Variants in ST6GALNAC5 observed in about 807,000 individuals in gnomAD.
ST6GALNAC5 encodes the protein ST6 N-acetylgalactosaminide alpha-2,6-sialyltransferase 5.
ST6GALNAC5 carries 27 observed loss-of-function variants against 33.6 expected under a neutral mutation model. The observed-to-expected ratio is 0.80, with a 90% CI of 0.59 to 1.11. ST6GALNAC5 has a LOEUF of 1.11. ST6GALNAC5 is among the 50% of genes least tolerant of loss of function. ST6GALNAC5 has a pLI of 0.00. For missense variants in ST6GALNAC5, 428 were observed against 454.0 expected (o/e 0.94, Z 0.52); for synonymous variants, 194 against 171.2 (o/e 1.13, Z -1.04).
intron 2 of ST6GALNAC5, among the ~76,000 whole-genome samples, chr1:76,869,370 A>G (rs984342528): frequency 6.6e-6 from 1 of 152,174 alleles, no homozygotes; most frequent in African/African-American, 2.4e-5. Flanking sequence ...TGGGGTGGCT[A>G]ATAACTAATA....
chr1:77,065,579 A>T lies in ST6GALNAC5; in HGVS notation c.*2373A>T, dbSNP rs895991051. The T allele has an allele frequency of 1.1e-4, 16 of 152,354 alleles. No homozygotes were observed. The highest frequency in any genetic ancestry group is 3.6e-4 in the African/African-American group (15 of 41,588). 9.4% of individuals were successfully genotyped at this position (152,354 alleles called of 1,614,324 possible). On this transcript the variant is annotated 3_prime_UTR_variant, in exon 5 of 5. Transcript: ENST00000477717. ...GTGGTTTTATTACAGCGTTAAAGAAAATGACTAGAATTCTGATAGATTGTG... is the reference window on the plus strand; with the variant it reads ...GTGGTTTTATTACAGCGTTAAAGAATATGACTAGAATTCTGATAGATTGTG...
intron 2 of ST6GALNAC5, among the ~76,000 whole-genome samples, chr1:76,964,843 T>C (rs898853828): frequency 6.6e-6 from 1 of 152,128 alleles, no homozygotes; most frequent in African/African-American, 2.4e-5. Context: ...TACCTATGAA[T>C]GAGAACATGT....
chr1:77,023,678 GT>G (rs1296942240), intron 2 of ST6GALNAC5, among the ~76,000 whole-genome samples: 1 of 152,184 alleles, frequency 6.6e-6, no homozygotes, highest in African/African-American at 2.4e-5. Context: ...AGAGTGGGCA[GT>G]TTTTTCTCTA....
intron 2 of ST6GALNAC5, among the ~76,000 whole-genome samples, chr1:76,983,193 C>A (rs1232578223): frequency 6.6e-6 from 1 of 151,854 alleles, no homozygotes; most frequent in Non-Finnish European, 1.5e-5. Context: ...GGCTAAATAC[C>A]CCAATTAAAA....
At chr1:76,941,529 G>T (rs1647335788) in intron 2 of ST6GALNAC5, among the ~76,000 whole-genome samples, 1 of 152,044 alleles carries the variant, frequency 6.6e-6, no homozygotes, top group Non-Finnish European at 1.5e-5. Flanking sequence ...CAGAAAAAGG[G>T]TCATTGCAGC....
intron 2 of ST6GALNAC5, among the ~76,000 whole-genome samples, chr1:76,993,852 T>C (rs17099799): frequency 0.023 from 3,577 of 152,304 alleles, 55 homozygotes; most frequent in Middle Eastern, 0.037. Flanking sequence ...TGTGAATTTA[T>C]TTCCTCTGGA....
At chr1:77,016,527 C>T (rs977960912) in intron 2 of ST6GALNAC5, among the ~76,000 whole-genome samples, 14 of 151,774 alleles carry the variant, frequency 9.2e-5, no homozygotes, top group African/African-American at 2.9e-4. Context: ...ATCCCCCAAC[C>T]CCCTGCCCCC....
intron 2 of ST6GALNAC5, among the ~76,000 whole-genome samples, chr1:77,002,384 T>A (rs1650206278): frequency 6.6e-6 from 1 of 152,164 alleles, no homozygotes; most frequent in Admixed American, 6.5e-5. Context: ...TCTCTCTTTT[T>A]TTCTTTATTA....
At chr1:76,872,675 T>C (rs1653537466) in intron 2 of ST6GALNAC5, among the ~76,000 whole-genome samples, 1 of 152,234 alleles carries the variant, frequency 6.6e-6, no homozygotes, top group African/African-American at 2.4e-5. Context: ...TAGAAAAGTA[T>C]ATAAATTATC....
intron 3 of ST6GALNAC5, among the ~76,000 whole-genome samples, chr1:77,044,962 TA>T (rs1557772941): frequency 1.3e-5 from 2 of 152,264 alleles, no homozygotes; most frequent in Non-Finnish European, 2.9e-5. Flanking sequence ...TATATGGGTT[TA>T]TTTTTTCCCA....
At position 76,969,744 on chromosome 1, in the gene ST6GALNAC5, G is replaced by C. The variant is rs537554383; in HGVS notation, c.262-74460G>C. On this transcript the variant is annotated intron_variant, in intron 2 of 4. Coordinates refer to ENST00000477717, the MANE Select transcript of ST6GALNAC5 (RefSeq NM_030965.3). The stretch of plus-strand genomic sequence containing the variant: ...CTCCTCAAGTGGGTCCCTGACCCCC[G>C]TGTAGCCTAACTGGGAGAGACCTCC... Among the ~76,000 whole-genome samples, 4 of 152,116 alleles carry C rather than the reference G, an allele frequency of 2.6e-5. No individual in the cohort carries two copies. The South Asian group carries it at 8.3e-4, about 32-fold the overall frequency.
At chr1:77,000,479 GA>G (rs1294644894) in intron 2 of ST6GALNAC5, among the ~76,000 whole-genome samples, 1 of 125,296 alleles carries the variant, frequency 8.0e-6, no homozygotes, top group Non-Finnish European at 1.7e-5. Flanking sequence ...TTGCTGTGCA[GA>G]AGCTCTTTAG....
Position 76,923,710 on chromosome 1 carries a change from CA to C in ST6GALNAC5, c.261+54975del, listed in dbSNP as rs767715257. On this transcript the variant is annotated intron_variant, in intron 2 of 4. Transcript: ENST00000477717. ...TCCATCTCAAAGAAACAAAACAAAACAAAAAAACAAACAAACAAAAAAAACA... is the reference window on the plus strand; with the variant it reads ...TCCATCTCAAAGAAACAAAACAAAACAAAAAACAAACAAACAAAAAAAACA... Among the ~76,000 whole-genome samples the C allele has an allele frequency of 6.9e-4, 105 of 151,754 alleles. 1 individual carries two copies. Among genetic ancestry groups the C allele is most frequent in the Non-Finnish European group, 1.3e-3 (85 of 67,870 alleles).
At chr1:76,990,662 A>C (rs965565629) in intron 2 of ST6GALNAC5, among the ~76,000 whole-genome samples, 1 of 152,202 alleles carries the variant, frequency 6.6e-6, no homozygotes, top group African/African-American at 2.4e-5. Flanking sequence ...TCTCCATTCA[A>C]GAGCCGATGG....
At chr1:76,944,156 T>C (rs1376299947) in intron 2 of ST6GALNAC5, among the ~76,000 whole-genome samples, 1 of 152,126 alleles carries the variant, frequency 6.6e-6, no homozygotes, top group Non-Finnish European at 1.5e-5. Context: ...TAAGGTGCAA[T>C]GCCAGAAACC....
chr1:76,944,116 TC>T (rs1273991382), intron 2 of ST6GALNAC5, among the ~76,000 whole-genome samples: 1 of 152,126 alleles, frequency 6.6e-6, no homozygotes, highest in Admixed American at 6.5e-5. Flanking sequence ...GCAATAGTTT[TC>T]ATTCTGGTAC....
At chr1:76,952,808 C>G (rs1201231556) in intron 2 of ST6GALNAC5, among the ~76,000 whole-genome samples, 4 of 152,016 alleles carry the variant, frequency 2.6e-5, no homozygotes, top group African/African-American at 9.7e-5. Flanking sequence ...CTCGCCTGCC[C>G]CATCACCATA....
chr1:76,986,189 C>T (rs1649487134), intron 2 of ST6GALNAC5, among the ~76,000 whole-genome samples: 1 of 152,124 alleles, frequency 6.6e-6, no homozygotes, highest in Non-Finnish European at 1.5e-5. Flanking sequence ...TAAAGAGCTT[C>T]CGCACAGCAA....
At chr1:76,873,260 C>T (rs74089801) in intron 2 of ST6GALNAC5, among the ~76,000 whole-genome samples, 10,553 of 152,266 alleles carry the variant, frequency 0.069, 795 homozygotes, top group African/African-American at 0.19. Flanking sequence ...TTATGGACCA[C>T]ATTCTTTAAC....
Sources: allele counts gnomAD v4.1 joint callset (sites outside exome capture counted in the v4.1 genomes callset), GRCh38; gene constraint gnomAD v4.1.1; transcripts MANE v1.5; gene names NCBI Gene and HGNC (gene_info 2026-07-23, HGNC 2026-07-21).